Variants in CTNNA1 observed in about 807,000 individuals in gnomAD.
The protein encoded by CTNNA1 is catenin alpha-1.
In CTNNA1, 37 loss-of-function variants were observed where a neutral mutation model predicts 98.4. The ratio of observed to expected loss-of-function variants is 0.38; its 90% CI spans 0.29 to 0.49. The LOEUF is 0.49. CTNNA1 is among the 20% of genes least tolerant of loss of function. The pLI, the probability that CTNNA1 is intolerant of heterozygous loss-of-function variation, is 0.95. For synonymous variants in CTNNA1, 404 were observed against 413.2 expected, an observed-to-expected ratio of 0.98 and a Z score of 0.27; for missense variants, 761 against 1,147.2, an observed-to-expected ratio of 0.66 and a Z score of 4.86.
At chr5:138,754,072 G>A (rs1751329065) in intron 1 of CTNNA1, 1 of 152,412 alleles carries the variant, frequency 6.6e-6, no homozygotes, top group Admixed American at 6.5e-5. Context: ...CTGGAGCCCG[G>A]GCTTCTCCCA....
chr5:138,930,670 G>A lies in CTNNA1; in HGVS notation c.2192+16G>A. 6.2e-7 allele frequency: 1 copy of A among 1,605,594 alleles called. No individual in the cohort carries two copies. Among genetic ancestry groups the A allele is most frequent in the Non-Finnish European group, 8.5e-7 (1 of 1,174,648 alleles). On this transcript the variant is annotated intron_variant, in intron 15 of 17. Transcript: ENST00000302763. ...ACTTTACCCGGTGAGCAGCACCCCG[G>A]CCCCACCAGGCTGCACAGGGGCTAC...
In CTNNA1 at chr5:138,873,287, G is replaced by T; in HGVS notation, c.1063-12925G>T. ...AGAAAACAATAAAGCCATTGTTCCC[G>T]TAATTACCCGCTGAGTGAAGATGGC... On this transcript the variant is annotated intron_variant, in intron 7 of 17. Coordinates refer to ENST00000302763, the MANE Select transcript of CTNNA1 (RefSeq NM_001903.5). The surrounding 1 kb of genome is among the most constrained non-coding windows in gnomAD (Gnocchi z 6.1). The T allele has an allele frequency of 6.2e-7, 1 of 1,613,996 alleles. No homozygotes were observed. The highest frequency in any genetic ancestry group is 1.1e-5 in the South Asian group (1 of 91,082).
chr5:138,804,542 G>A (rs1396093393), intron 3 of CTNNA1, among the ~76,000 whole-genome samples: 6 of 152,162 alleles, frequency 3.9e-5, no homozygotes, highest in Admixed American at 3.9e-4. Context: ...GGCAAATGGC[G>A]ATTTCATATA....
chr5:138,810,984 C>T (rs1272429886), intron 4 of CTNNA1, among the ~76,000 whole-genome samples: 1 of 149,444 alleles, frequency 6.7e-6, no homozygotes, highest in East Asian at 2.0e-4. Flanking sequence ...CCCCCCACCT[C>T]CCTCCCGGAC....
At chr5:138,836,289 A>G (rs763460181) in intron 7 of CTNNA1, among the ~76,000 whole-genome samples, 4 of 152,222 alleles carry the variant, frequency 2.6e-5, no homozygotes, top group Non-Finnish European at 5.9e-5. Context: ...AAATCATGCA[A>G]TAGTTTTCTC....
chr5:138,834,554 C>A (rs979829647), intron 7 of CTNNA1, among the ~76,000 whole-genome samples: 26 of 152,110 alleles, frequency 1.7e-4, no homozygotes, highest in Admixed American at 1.2e-3. Flanking sequence ...TCTGTCTGAC[C>A]TGAAAGTCTG....
intron 9 of CTNNA1, among the ~76,000 whole-genome samples, chr5:138,894,253 A>G (rs1756198324): frequency 6.6e-6 from 1 of 150,564 alleles, no homozygotes; most frequent in African/African-American, 2.4e-5. Context: ...AAGATTAGGC[A>G]TAATATAGAG....
At chr5:138,780,870 G>A (rs1755014762) in intron 1 of CTNNA1, among the ~76,000 whole-genome samples, 1 of 152,136 alleles carries the variant, frequency 6.6e-6, no homozygotes, top group African/African-American at 2.4e-5. Context: ...TTATATTAGT[G>A]TTTACCTCAG....
intron 4 of CTNNA1, 51 bp downstream of exon 4, chr5:138,810,255 T>C (rs1284216917): frequency 6.3e-7 from 1 of 1,579,832 alleles, no homozygotes; most frequent in Non-Finnish European, 8.7e-7. Context: ...GGAAGATTGC[T>C]ACTGGCCTTC....
At chr5:138,896,121 A>G (rs1213254070) in intron 9 of CTNNA1, among the ~76,000 whole-genome samples, 2 of 152,232 alleles carry the variant, frequency 1.3e-5, no homozygotes, top group African/African-American at 4.8e-5. Flanking sequence ...TTTCAAGAAT[A>G]AAAACCACAT....
chr5:138,908,299 T>G (rs1561710374), intron 10 of CTNNA1, among the ~76,000 whole-genome samples: 1 of 152,198 alleles, frequency 6.6e-6, no homozygotes, highest in Non-Finnish European at 1.5e-5. Context: ...AATTAACTTT[T>G]GAGAGACATA....
intron 11 of CTNNA1, among the ~76,000 whole-genome samples, chr5:138,918,630 T>C (rs1762282756): frequency 6.6e-6 from 1 of 152,204 alleles, no homozygotes; most frequent in Non-Finnish European, 1.5e-5. Flanking sequence ...ATATAGAAAA[T>C]ATCTGTCAAA....
At chr5:138,778,397 G>A (rs1359722482) in intron 1 of CTNNA1, among the ~76,000 whole-genome samples, 3 of 152,146 alleles carry the variant, frequency 2.0e-5, no homozygotes, top group African/African-American at 4.8e-5. Context: ...ATTTTCAGGC[G>A]AAATAACACA....
chr5:138,933,075 A>G lies in CTNNA1; in HGVS notation c.2433+363A>G. ...CTTGAGCCTGGGAGATGGAGGTTGC[A>G]GTGAGCCGAGATGGCACCACTGCAC... On this transcript the variant is annotated intron_variant, in intron 17 of 17. Transcript: ENST00000302763. 8 of 693,352 alleles carry G rather than the reference A, an allele frequency of 1.2e-5. No individual in the cohort carries two copies. In the South Asian group the frequency reaches 1.2e-4, roughly 11 times the overall value. The allele number at this position is 693,352 out of a possible 1,614,324, so 42.9% of individuals were successfully genotyped here.
At chr5:138,780,620 C>T (rs1224807951) in intron 1 of CTNNA1, among the ~76,000 whole-genome samples, 5 of 151,824 alleles carry the variant, frequency 3.3e-5, no homozygotes, top group Non-Finnish European at 7.4e-5. Flanking sequence ...CGGGTTCAAG[C>T]GATTCTTCTG....
At chr5:138,887,939 C>T (rs1309349540) in intron 9 of CTNNA1, among the ~76,000 whole-genome samples, 2 of 152,138 alleles carry the variant, frequency 1.3e-5, no homozygotes, top group Non-Finnish European at 2.9e-5. Flanking sequence ...GGATAGAAAG[C>T]AACAATGCCT....
At chr5:138,830,098 C>G (rs981250769) in intron 7 of CTNNA1, among the ~76,000 whole-genome samples, 1 of 151,378 alleles carries the variant, frequency 6.6e-6, no homozygotes, top group African/African-American at 2.4e-5. Context: ...ACCCAGGAGG[C>G]GGAGCTTTCA....
chr5:138,873,727 A>G lies in CTNNA1; in HGVS notation c.1063-12485A>G, dbSNP rs573302101. 9.3e-6 allele frequency: 15 copies of G among 1,613,998 alleles called. No individual in the cohort carries two copies. The highest frequency in any genetic ancestry group is 1.7e-5 in the Admixed American group (1 of 60,030). On this transcript the variant is annotated intron_variant, in intron 7 of 17. Coordinates refer to ENST00000302763, the MANE Select transcript of CTNNA1 (RefSeq NM_001903.5). The surrounding 1 kb of genome is among the most constrained non-coding windows in gnomAD (Gnocchi z 6.1). Reference sequence around the variant, plus strand: ...TGTTATCCATGAGGAGTATTTTAAGATTGGGCATCGTTTCAAACACTGTCA... The same window carrying G: ...TGTTATCCATGAGGAGTATTTTAAGGTTGGGCATCGTTTCAAACACTGTCA...
chr5:138,881,029 G>C (rs1394176006), intron 7 of CTNNA1: 1 of 456,228 alleles, frequency 2.2e-6, no homozygotes, highest in African/African-American at 2.0e-5. Flanking sequence ...TTCTTACTCT[G>C]TACGGTTTAT....
Sources: gnomAD v4.1 joint callset for allele counts (sites outside exome capture counted in the v4.1 genomes callset) on GRCh38, gnomAD v4.1.1 for gene constraint, Gnocchi (gnomAD v3.1) non-coding constraint, MANE v1.5 for transcripts, NCBI Gene and HGNC (gene_info 2026-07-23, HGNC 2026-07-21) for gene names.